NPIPA9: variants seen among roughly 807,000 people sequenced by gnomAD.
NPIPA9 encodes the protein nuclear pore complex interacting protein family member A9.
chr16:18,370,011 G>C (rs1900519512), intron 3 of NPIPA9, among the ~76,000 whole-genome samples: 1 of 142,112 alleles, frequency 7.0e-6, no homozygotes, highest in Non-Finnish European at 1.5e-5. Context: ...AACAAGGTGG[G>C]CTGGGCGTGG....
At chr16:18,374,417 G>A (rs1330031685) in intron 2 of NPIPA9, 8 of 222,334 alleles carry the variant, frequency 3.6e-5, no homozygotes, top group African/African-American at 9.7e-5. Context: ...CTGGGTGACA[G>A]AATGGAATGA....
intron 3 of NPIPA9, among the ~76,000 whole-genome samples, chr16:18,371,480 C>T (rs1276976448): frequency 9.3e-6 from 1 of 107,770 alleles, no homozygotes; most frequent in African/African-American, 3.5e-5. Context: ...AAAAAAAAGT[C>T]ATCAAACCAG....
intron 4 of NPIPA9, among the ~76,000 whole-genome samples, chr16:18,365,274 CAAAAA>C (rs1208437581): frequency 2.7e-5 from 1 of 37,460 alleles, no homozygotes; most frequent in Non-Finnish European, 4.7e-5. Flanking sequence ...AACTCTGTCT[CAAAAA>C]AAAAAAAAAA....
At chr16:18,371,477 A>AAAAAAAAAAAAAAAAAAG (rs1214808508) in intron 3 of NPIPA9, among the ~76,000 whole-genome samples, 2 of 123,708 alleles carry the variant, frequency 1.6e-5, no homozygotes, top group African/African-American at 5.9e-5. Context: ...AAAAAAAAAA[A>AAAAAAAAAAAAAAAAAAG]GTCATCAAAC....
chr16:18,374,797 T>C, intron 2 of NPIPA9, 35 bp downstream of exon 2: 1 of 457,462 alleles, frequency 2.2e-6, no homozygotes, highest in South Asian at 2.3e-5. Context: ...CACAGTGACC[T>C]GCACCAGGGC....
At chr16:18,375,351 C>G (rs1157793012) in intron 1 of NPIPA9, among the ~76,000 whole-genome samples, 1 of 147,954 alleles carries the variant, frequency 6.8e-6, no homozygotes, top group East Asian at 2.0e-4. Flanking sequence ...GGCTGGAGTG[C>G]ACTGGCGCAA....
At chr16:18,365,352 G>A (rs1338451478) in intron 4 of NPIPA9, among the ~76,000 whole-genome samples, 5 of 47,066 alleles carry the variant, frequency 1.1e-4, no homozygotes, top group South Asian at 5.2e-4. Context: ...AGGCCGAGGC[G>A]GGTGAATCAC....
intron 3 of NPIPA9, among the ~76,000 whole-genome samples, chr16:18,370,289 C>CAA (rs1247266865): frequency 1.7e-5 from 1 of 57,910 alleles, no homozygotes; most frequent in Admixed American, 2.0e-4. Context: ...GACTCTGTCT[C>CAA]AAAAAAAAAA....
chr16:18,374,547 C>CG lies in NPIPA9; in HGVS notation c.-70+284dup. On this transcript the variant is annotated intron_variant, in intron 2 of 9. Coordinates refer to ENST00000427999, the Ensembl canonical transcript of NPIPA9. ...GCCGCAGATTGCTACCCACAATGGA[C>CG]GGGTCACTGAGCAGGTCCGGCCAAC... is the stretch of plus-strand genomic sequence containing the variant. The CG allele has an allele frequency of 1.2e-5, 12 of 961,326 alleles. 1 individual carries two copies. The South Asian group carries it at 1.7e-4, about 14-fold the overall frequency. 59.5% of individuals were successfully genotyped at this position (961,326 alleles called of 1,614,324 possible). A position where few individuals can be genotyped will look rare whatever the true frequency, so the allele number is the denominator to read the frequency against.
chr16:18,375,348 G>A (rs1343037812), intron 1 of NPIPA9, among the ~76,000 whole-genome samples: 1 of 148,440 alleles, frequency 6.7e-6, no homozygotes, highest in African/African-American at 2.5e-5. Context: ...CCAGGCTGGA[G>A]TGCACTGGCG....
At chr16:18,364,866 G>A (rs1418630882) in intron 4 of NPIPA9, among the ~76,000 whole-genome samples, 2 of 106,714 alleles carry the variant, frequency 1.9e-5, no homozygotes. Flanking sequence ...GTTTGAAGCT[G>A]GGAGGTGGAG....
chr16:18,370,756 TGA>T (rs1268098287), intron 3 of NPIPA9, among the ~76,000 whole-genome samples: 1 of 118,312 alleles, frequency 8.5e-6, no homozygotes, highest in African/African-American at 3.1e-5. Flanking sequence ...CTGGGAAGAG[TGA>T]GAGTTCACTT....
chr16:18,376,832 C>T (rs2141688228), exon 1 of NPIPA9: 1 of 423,580 alleles, frequency 2.4e-6, no homozygotes, highest in South Asian at 2.0e-5. Context: ...TGTCGACGCT[C>T]AGCGGGTTCA....
chr16:18,371,451 T>TTA (rs1900545974), intron 3 of NPIPA9, among the ~76,000 whole-genome samples: 1 of 56,636 alleles, frequency 1.8e-5, no homozygotes, highest in Non-Finnish European at 3.4e-5. Flanking sequence ...GACTCTGTCT[T>TTA]AAAAAAAAAA....
At chr16:18,365,023 C>G (rs1199581968) in intron 4 of NPIPA9, among the ~76,000 whole-genome samples, 1 of 126,944 alleles carries the variant, frequency 7.9e-6, no homozygotes, top group Non-Finnish European at 1.6e-5. Context: ...TCCTGTAATC[C>G]CAGCACTTTG....
chr16:18,374,482 T>C (rs1662708712), intron 2 of NPIPA9: 2 of 549,026 alleles, frequency 3.6e-6, no homozygotes, highest in East Asian at 3.9e-5. Context: ...ATTTCGGTTG[T>C]GTTGGTTGTA....
At chr16:18,371,057 A>G (rs1900537772) in intron 3 of NPIPA9, 1 of 32,706 alleles carries the variant, frequency 3.1e-5, no homozygotes, top group Non-Finnish European at 6.4e-5. Flanking sequence ...CAGCCTCAGC[A>G]ACAAGGGAGA....
rs1189876304 is a variant in NPIPA9 at position 18,372,094 on chromosome 16, GC to G, written c.63+628del. ...GGGGAGGGAAGGGGACGGGGACCGG[GC>G]CCGATCTGAGTTGGGGAGGGGGAGG... On this transcript the variant is annotated intron_variant, in intron 3 of 9. Transcript: ENST00000427999. 198 of 65,546 alleles carry G rather than the reference GC, an allele frequency of 3.0e-3. 9 individuals are homozygous for G. The highest frequency in any genetic ancestry group is 4.5e-3 in the Non-Finnish European group (164 of 36,354). The allele number at this position is 65,546 out of a possible 1,614,324, so 4.1% of individuals were successfully genotyped here.
Position 18,364,375 on chromosome 16 carries a change from G to A in NPIPA9, c.293-4C>T. ...TCTTCCAGGACAATTTTAATTCCTG[G>A]AAAGGAAGAAACTCTTTTCTTTGTG... On this transcript the variant is annotated splice_region_variant and splice_polypyrimidine_tract_variant and intron_variant, in intron 5 of 9. Coordinates refer to ENST00000427999, the Ensembl canonical transcript of NPIPA9. 1.6e-4 allele frequency: 1 copy of A among 6,186 alleles called. No individual in the cohort carries two copies. The highest frequency in any genetic ancestry group is 1.1e-3 in the South Asian group (1 of 898). The allele number at this position is 6,186 out of a possible 1,614,324, so 0.4% of individuals were successfully genotyped here.
Sources: gnomAD v4.1 joint callset for allele counts (sites outside exome capture counted in the v4.1 genomes callset) on GRCh38, gnomAD v4.1.1 for gene constraint, MANE v1.5 for transcripts, NCBI Gene and HGNC (gene_info 2026-07-23, HGNC 2026-07-21) for gene names.